ROBO2: variants seen among roughly 807,000 people sequenced by gnomAD.
ROBO2 encodes roundabout guidance receptor 2.
Under a neutral mutation model 160.8 loss-of-function variants are expected in ROBO2, and 53 were observed. The observed-to-expected ratio is 0.33, with a 90% CI of 0.26 to 0.41. ROBO2 has a LOEUF of 0.41. ROBO2 is among the 10% of genes least tolerant of loss of function. The pLI is 1.00. For missense variants in ROBO2, 1,577 were observed against 1,722.4 expected (o/e 0.92, Z 1.49); for synonymous variants, 664 against 611.7 (o/e 1.09, Z -1.26).
chr3:76,794,121 C>T (rs1194539295), intron 2 of ROBO2, among the ~76,000 whole-genome samples: 1 of 151,620 alleles, frequency 6.6e-6, no homozygotes, highest in Non-Finnish European at 1.5e-5. Context: ...ATAAAAACGT[C>T]TTATTAAAAT....
chr3:77,602,362 T>C, exon 20 of ROBO2: 14 of 1,614,090 alleles, frequency 8.7e-6, no homozygotes, highest in Non-Finnish European at 1.1e-5. Flanking sequence ...GACACAGATC[T>C]TGCATTCCAA....
intron 24 of ROBO2, among the ~76,000 whole-genome samples, chr3:77,641,563 A>G (rs2095351510): frequency 6.6e-6 from 1 of 152,222 alleles, no homozygotes; most frequent in Non-Finnish European, 1.5e-5. Context: ...TACATTGTGT[A>G]CAATATCTTC....
At chr3:77,536,978 AT>A (rs1330215183) in intron 6 of ROBO2, among the ~76,000 whole-genome samples, 1 of 151,836 alleles carries the variant, frequency 6.6e-6, no homozygotes, top group Non-Finnish European at 1.5e-5. Flanking sequence ...ATTCTAGATT[AT>A]TGTAGAATTA....
chr3:75,961,017 T>C (rs1280436061), intron 2 of ROBO2, among the ~76,000 whole-genome samples: 1 of 151,702 alleles, frequency 6.6e-6, no homozygotes, highest in East Asian at 2.0e-4. Flanking sequence ...TGAGGTGTTT[T>C]AACTCTTTAT....
At chr3:77,258,121 A>G (rs1441952) in intron 2 of ROBO2, among the ~76,000 whole-genome samples, 91,808 of 152,066 alleles carry the variant, frequency 0.6, 28,286 homozygotes, top group Middle Eastern at 0.75. Flanking sequence ...TTTGAAGTAA[A>G]GTGTCAACGT....
At chr3:76,769,660 T>C (rs2061772722) in intron 2 of ROBO2, among the ~76,000 whole-genome samples, 1 of 151,460 alleles carries the variant, frequency 6.6e-6, no homozygotes, top group Admixed American at 6.6e-5. Flanking sequence ...TTCTTCAAAA[T>C]GTGGACTTCA....
At chr3:77,348,671 T>C (rs73110269) in intron 2 of ROBO2, among the ~76,000 whole-genome samples, 20,831 of 152,092 alleles carry the variant, frequency 0.14, 1,401 homozygotes, top group South Asian at 0.16. Flanking sequence ...CCAGATTGCG[T>C]TCATTTCCTT....
rs1433740534 is a variant in ROBO2 at position 77,180,416 on chromosome 3, C to CTCTCTCTCTCTATATATATATA, written c.388+82077_388+82078insCTCTCTCTCTATATATATATAT. Among the ~76,000 whole-genome samples, 639 of 90,500 alleles carry CTCTCTCTCTCTATATATATATA rather than the reference C, an allele frequency of 7.1e-3. 3 individuals are homozygous for CTCTCTCTCTCTATATATATATA. Among genetic ancestry groups the CTCTCTCTCTCTATATATATATA allele is most frequent in the Admixed American group, 0.011 (82 of 7,498 alleles). 59.4% of individuals were successfully genotyped at this position (90,500 alleles called of 152,430 possible). On this transcript the variant is annotated intron_variant, in intron 2 of 25. Coordinates refer to ENST00000461745, the Ensembl canonical transcript of ROBO2. The stretch of plus-strand genomic sequence containing the variant: ...TCTCTCTCTCTCTCTCTCTCTCTCT[C>CTCTCTCTCTCTATATATATATA]TATATATATATATATGTATTTTTTT...
chr3:77,173,793 A>G (rs1180503730), intron 2 of ROBO2, among the ~76,000 whole-genome samples: 1 of 152,130 alleles, frequency 6.6e-6, no homozygotes, highest in Non-Finnish European at 1.5e-5. Context: ...AGGGATTAAA[A>G]GGCTCAGTGG....
chr3:76,940,546 C>T (rs1352457002), intron 2 of ROBO2, among the ~76,000 whole-genome samples: 1 of 152,124 alleles, frequency 6.6e-6, no homozygotes, highest in Non-Finnish European at 1.5e-5. Flanking sequence ...TTTTAAAATG[C>T]CCTTTCCTTG....
chr3:76,047,648 A>T lies in ROBO2; in HGVS notation c.109+110046A>T, dbSNP rs2067494579. Among the ~76,000 whole-genome samples the T allele has an allele frequency of 2.0e-5, 3 of 152,224 alleles. No homozygotes were observed. In the South Asian group the frequency reaches 6.2e-4, roughly 32 times the overall value. ...AAAATGCTTTTAACTTAGTGTAAAC[A>T]TAATTTAATAAGATGTAGATGTTCC... On this transcript the variant is annotated intron_variant, in intron 2 of 26. Coordinates refer to the ROBO2 transcript ENST00000487694.
intron 2 of ROBO2, among the ~76,000 whole-genome samples, chr3:77,154,126 A>G (rs928014656): frequency 1.3e-5 from 2 of 151,500 alleles, no homozygotes; most frequent in African/African-American, 2.4e-5. Context: ...TCAAACTGAA[A>G]AAAAAACTTG....
At chr3:77,183,463 G>A (rs7433037) in intron 2 of ROBO2, among the ~76,000 whole-genome samples, 45 of 151,838 alleles carry the variant, frequency 3.0e-4, no homozygotes, top group Non-Finnish European at 5.0e-4. Context: ...CTAATGCAAC[G>A]GGTGCCCTCA....
chr3:76,482,481 C>T (rs1370487230), intron 2 of ROBO2, among the ~76,000 whole-genome samples: 1 of 152,060 alleles, frequency 6.6e-6, no homozygotes, highest in African/African-American at 2.4e-5. Flanking sequence ...AAAATTTGTC[C>T]CCTACAAGGA....
intron 2 of ROBO2, among the ~76,000 whole-genome samples, chr3:76,964,323 C>T (rs1291383215): frequency 6.6e-6 from 1 of 151,784 alleles, no homozygotes; most frequent in Non-Finnish European, 1.5e-5. Context: ...TAATATACTC[C>T]TTTTGTTTTT....
At chr3:76,403,803 A>T (rs932254108) in intron 2 of ROBO2, among the ~76,000 whole-genome samples, 2 of 151,658 alleles carry the variant, frequency 1.3e-5, no homozygotes, top group African/African-American at 4.8e-5. Flanking sequence ...TATTTTAGGT[A>T]TTAAGTAATG....
chr3:76,904,316 G>A (rs1447265699), intron 2 of ROBO2, among the ~76,000 whole-genome samples: 1 of 152,098 alleles, frequency 6.6e-6, no homozygotes, highest in African/African-American at 2.4e-5. Flanking sequence ...ACAACAACAT[G>A]TGTGGTTTAT....
intron 2 of ROBO2, among the ~76,000 whole-genome samples, chr3:76,553,499 T>C (rs1298496551): frequency 1.3e-5 from 2 of 152,198 alleles, no homozygotes; most frequent in African/African-American, 4.8e-5. Flanking sequence ...AAAGAAACAC[T>C]AGATATTGGG....
At chr3:77,314,417 T>C (rs2063797776) in intron 2 of ROBO2, among the ~76,000 whole-genome samples, 1 of 152,234 alleles carries the variant, frequency 6.6e-6, no homozygotes, top group Non-Finnish European at 1.5e-5. Context: ...TTATGTGTTA[T>C]TGATGTGTTT....
Sources: gnomAD v4.1 joint callset for allele counts (sites outside exome capture counted in the v4.1 genomes callset) on GRCh38, gnomAD v4.1.1 for gene constraint, MANE v1.5 for transcripts, NCBI Gene and HGNC (gene_info 2026-07-23, HGNC 2026-07-21) for gene names.